Variants in CYYR1 observed in about 807,000 individuals in gnomAD.
CYYR1 encodes cysteine and tyrosine rich 1, also known as cysteine and tyrosine-rich protein 1.
A neutral mutation model predicts 15.2 loss-of-function variants in CYYR1; 14 were observed. The observed-to-expected ratio is 0.92, with a 90% CI of 0.61 to 1.44. CYYR1 has a LOEUF of 1.44. Ranked by LOEUF, CYYR1 falls within the 40% of genes most tolerant of loss-of-function variation. The probability of loss-of-function intolerance (pLI) is 0.00; values close to 1 mark genes in which losing one functional copy is unlikely to be tolerated. For synonymous variants in CYYR1, 80 were observed against 77.4 expected (o/e 1.03, Z -0.18); for missense variants, 228 against 209.5 (o/e 1.09, Z -0.54).
Position 26,467,355 on chromosome 21 carries a change from G to A in CYYR1, c.*1146C>T, listed in dbSNP as rs1412070177. 6.6e-6 allele frequency: 1 copy of A among 151,308 alleles called. No individual in the cohort carries two copies. The highest frequency in any genetic ancestry group is 2.4e-5 in the African/African-American group (1 of 40,846). The allele number at this position is 151,308 out of a possible 1,614,324, so 9.4% of individuals were successfully genotyped here. A position where few individuals can be genotyped will look rare whatever the true frequency, so the allele number is the denominator to read the frequency against. ...GCATTTTGGTAAAAGGCAACAATTT[G>A]ATGTCAGTATCTTAATTGTGTCATT... On this transcript the variant is annotated 3_prime_UTR_variant, in exon 4 of 4. Transcript: ENST00000652641.
At chr21:26,566,633 T>A (rs1601840237) in intron 1 of CYYR1, among the ~76,000 whole-genome samples, 1 of 152,118 alleles carries the variant, frequency 6.6e-6, no homozygotes, top group Admixed American at 6.5e-5. Flanking sequence ...TGGAATGAGA[T>A]AATGAAGGAA....
At chr21:26,561,914 A>G (rs1980230183) in intron 2 of CYYR1, among the ~76,000 whole-genome samples, 1 of 152,164 alleles carries the variant, frequency 6.6e-6, no homozygotes, top group South Asian at 2.1e-4. Context: ...TAACCACTCA[A>G]TTGCACCCTC....
At chr21:26,542,819 C>A (rs1174841510) in intron 2 of CYYR1, among the ~76,000 whole-genome samples, 1 of 152,116 alleles carries the variant, frequency 6.6e-6, no homozygotes, top group Admixed American at 6.6e-5. Context: ...ATTGTATTTT[C>A]ATACTCTGCA....
chr21:26,571,558 T>C (rs548193849), intron 1 of CYYR1, among the ~76,000 whole-genome samples: 1 of 152,052 alleles, frequency 6.6e-6, no homozygotes, highest in East Asian at 1.9e-4. Context: ...TTCAATGGAG[T>C]GGTTGAATAA....
intron 2 of CYYR1, among the ~76,000 whole-genome samples, chr21:26,562,207 C>T (rs1186583552): frequency 6.6e-6 from 1 of 152,102 alleles, no homozygotes; most frequent in Non-Finnish European, 1.5e-5. Flanking sequence ...GTTCAAAAAT[C>T]TCTTAAATGG....
At chr21:26,504,444 G>A (rs1014624996) in intron 2 of CYYR1, among the ~76,000 whole-genome samples, 1 of 151,848 alleles carries the variant, frequency 6.6e-6, no homozygotes, top group Non-Finnish European at 1.5e-5. Flanking sequence ...CTAATTTTTT[G>A]TATCTTTAGT....
chr21:26,512,411 C>T (rs1007423595), intron 2 of CYYR1, among the ~76,000 whole-genome samples: 9 of 152,012 alleles, frequency 5.9e-5, no homozygotes, highest in Non-Finnish European at 1.3e-4. Flanking sequence ...CTATGTTGGC[C>T]TGGCTGATCT....
rs1407903790 is a variant in CYYR1 at position 26,466,808 on chromosome 21, C to G, written c.*1693G>C. On this transcript the variant is annotated 3_prime_UTR_variant, in exon 4 of 4. Transcript: ENST00000652641. ...TTATGTAAGTCAGGGAGCCCCTCAC[C>G]AGAACAGGCTGAAACTCTTGAATGC... is the stretch of plus-strand genomic sequence containing the variant. The G allele has an allele frequency of 6.6e-6, 1 of 152,056 alleles. No homozygotes were observed. Among genetic ancestry groups the G allele is most frequent in the Non-Finnish European group, 1.5e-5 (1 of 67,996 alleles). 9.4% of individuals were successfully genotyped at this position (152,056 alleles called of 1,614,324 possible). A position where few individuals can be genotyped will look rare whatever the true frequency, so the allele number is the denominator to read the frequency against.
At chr21:26,468,718 T>C (rs2064998503) in intron 3 of CYYR1, 84 bp from the exon 4 acceptor site, 6 of 1,038,448 alleles carry the variant, frequency 5.8e-6, no homozygotes, top group African/African-American at 4.8e-5. Context: ...CTAGATACTT[T>C]GGGAGGGGAC....
intron 2 of CYYR1, among the ~76,000 whole-genome samples, chr21:26,523,734 G>A (rs2065830021): frequency 6.6e-6 from 1 of 152,090 alleles, no homozygotes. Context: ...CACCTTCTCA[G>A]AGAAGCCTTT....
At chr21:26,572,119 T>C (rs1981045329) in intron 1 of CYYR1, among the ~76,000 whole-genome samples, 1 of 152,228 alleles carries the variant, frequency 6.6e-6, no homozygotes, top group Non-Finnish European at 1.5e-5. Context: ...AAAAACATTT[T>C]ACAAAGAACT....
intron 2 of CYYR1, among the ~76,000 whole-genome samples, chr21:26,486,575 T>C (rs2065250392): frequency 6.6e-6 from 1 of 152,112 alleles, no homozygotes; most frequent in Non-Finnish European, 1.5e-5. Flanking sequence ...TTGTCAAAAA[T>C]CAGTTGGCCT....
At chr21:26,541,191 C>T (rs1415752729) in intron 2 of CYYR1, among the ~76,000 whole-genome samples, 1 of 152,042 alleles carries the variant, frequency 6.6e-6, no homozygotes, top group East Asian at 1.9e-4. Flanking sequence ...AGATAAGAGG[C>T]AGGAACAGGT....
At chr21:26,487,731 T>C (rs932337940) in intron 2 of CYYR1, among the ~76,000 whole-genome samples, 10 of 152,096 alleles carry the variant, frequency 6.6e-5, no homozygotes, top group African/African-American at 2.4e-4. Flanking sequence ...GAACTATCTC[T>C]ATTTCTATTT....
intron 2 of CYYR1, among the ~76,000 whole-genome samples, chr21:26,545,074 GACA>G (rs1053458227): frequency 4.6e-5 from 7 of 152,076 alleles, no homozygotes; most frequent in Non-Finnish European, 8.8e-5. Flanking sequence ...CACATTAAAT[GACA>G]ACATTTCTCT....
chr21:26,478,851 T>C (rs1180586807), intron 3 of CYYR1, among the ~76,000 whole-genome samples: 4 of 151,944 alleles, frequency 2.6e-5, no homozygotes, highest in African/African-American at 7.3e-5. Flanking sequence ...AGCCAAGAAG[T>C]TTTCCTGGTA....
At chr21:26,509,650 C>T (rs1418593427) in intron 2 of CYYR1, among the ~76,000 whole-genome samples, 1 of 152,188 alleles carries the variant, frequency 6.6e-6, no homozygotes, top group Non-Finnish European at 1.5e-5. Context: ...AGATGACTCT[C>T]CAGGGTAGCT....
At chr21:26,536,766 CG>C (rs1978306180) in intron 2 of CYYR1, among the ~76,000 whole-genome samples, 1 of 136,368 alleles carries the variant, frequency 7.3e-6, no homozygotes, top group Non-Finnish European at 1.7e-5. Flanking sequence ...GTCCTTTAAC[CG>C]GGTCTGTTTT....
chr21:26,527,438 T>C (rs1474070736), intron 2 of CYYR1, among the ~76,000 whole-genome samples: 1 of 152,174 alleles, frequency 6.6e-6, no homozygotes, highest in Non-Finnish European at 1.5e-5. Flanking sequence ...ACTTATTGAG[T>C]GCTGTACAAA....
Sources: gnomAD v4.1 joint callset for allele counts (sites outside exome capture counted in the v4.1 genomes callset) on GRCh38, gnomAD v4.1.1 for gene constraint, MANE v1.5 for transcripts, NCBI Gene and HGNC (gene_info 2026-07-23, HGNC 2026-07-21) for gene names.